MED13L: variants seen among roughly 807,000 people sequenced by gnomAD.
MED13L encodes mediator complex subunit 13L, also known as mediator of RNA polymerase II transcription subunit 13-like.
Under a neutral mutation model 220.9 loss-of-function variants are expected in MED13L, and 7 were observed. That is an observed-to-expected ratio of 0.03 (90% confidence interval 0.02 to 0.06). The LOEUF is 0.06. MED13L is among the 10% of genes least tolerant of loss of function. The probability of loss-of-function intolerance (pLI) is 1.00; values close to 1 mark genes in which losing one functional copy is unlikely to be tolerated. For missense variants in MED13L, 1,965 were observed against 2,760.5 expected (o/e 0.71, Z 6.46); for synonymous variants, 1,011 against 1,015.2 (o/e 1.00, Z 0.08).
chr12:116,165,904 T>G (rs1019901116), intron 2 of MED13L, among the ~76,000 whole-genome samples: 23 of 152,204 alleles, frequency 1.5e-4, no homozygotes, highest in African/African-American at 4.8e-4. Context: ...CTCTCAGGTA[T>G]TCTCTCCACT....
chr12:116,135,899 T>G (rs1157143024), intron 2 of MED13L, among the ~76,000 whole-genome samples: 2 of 151,470 alleles, frequency 1.3e-5, no homozygotes, highest in African/African-American at 2.4e-5. Flanking sequence ...TTTTCAAAGA[T>G]TCCCTTTTTT....
chr12:115,988,765 CA>C (rs1423966767), intron 17 of MED13L, among the ~76,000 whole-genome samples: 1 of 152,162 alleles, frequency 6.6e-6, no homozygotes, highest in African/African-American at 2.4e-5. Context: ...ACCTCCCCTG[CA>C]ATAAAATGTC....
chr12:116,120,473 TCTCTCACA>T (rs1396934780), intron 2 of MED13L, among the ~76,000 whole-genome samples: 251 of 101,362 alleles, frequency 2.5e-3, no homozygotes, highest in Admixed American at 4.8e-3. Context: ...TCTCTCTCTC[TCTCTCACA>T]CACACACACA....
At chr12:116,107,342 T>C (rs1873674209) in intron 3 of MED13L, among the ~76,000 whole-genome samples, 1 of 152,176 alleles carries the variant, frequency 6.6e-6, no homozygotes, top group Non-Finnish European at 1.5e-5. Flanking sequence ...TTTCAACAAA[T>C]ACTGAAAAGT....
At chr12:116,253,753 G>GTTTTTTTTTTT (rs746923184) in intron 1 of MED13L, among the ~76,000 whole-genome samples, 23 of 76,550 alleles carry the variant, frequency 3.0e-4, no homozygotes, top group African/African-American at 4.8e-4. Context: ...GGTTTTTTTT[G>GTTTTTTTTTTT]TTTTTTTTTT....
chr12:116,141,861 AGGTT>A (rs1399108042), intron 2 of MED13L, among the ~76,000 whole-genome samples: 1 of 152,134 alleles, frequency 6.6e-6, no homozygotes, highest in African/African-American at 2.4e-5. Context: ...ACTCTGAGAA[AGGTT>A]CCACTCTGGT....
chr12:116,128,719 G>A (rs142452947), intron 2 of MED13L, among the ~76,000 whole-genome samples: 138 of 152,246 alleles, frequency 9.1e-4, no homozygotes, highest in African/African-American at 3.2e-3. Context: ...TATCAGTCGT[G>A]TTCATTATAT....
chr12:116,005,467 T>G (rs550690142), intron 13 of MED13L, among the ~76,000 whole-genome samples: 1 of 152,306 alleles, frequency 6.6e-6, no homozygotes, highest in Admixed American at 6.5e-5. Context: ...TCTGACTTAT[T>G]AGATGAATAA....
At chr12:115,979,845 T>A (rs1877202228) in intron 23 of MED13L, among the ~76,000 whole-genome samples, 1 of 152,246 alleles carries the variant, frequency 6.6e-6, no homozygotes, top group East Asian at 1.9e-4. Context: ...ATAAGGTGAT[T>A]AGAAAAACAA....
chr12:116,276,773 G>T, intron 1 of MED13L: 3 of 1,294,128 alleles, frequency 2.3e-6, no homozygotes, highest in Non-Finnish European at 3.0e-6. Context: ...GAGGGTGGGC[G>T]TTCGAAGTGC....
At chr12:116,250,106 T>TA (rs1196381173) in intron 1 of MED13L, among the ~76,000 whole-genome samples, 1 of 144,062 alleles carries the variant, frequency 6.9e-6, no homozygotes, top group Non-Finnish European at 1.5e-5. Flanking sequence ...AAGGAAAATA[T>TA]TACAAGTCGG....
intron 17 of MED13L, among the ~76,000 whole-genome samples, chr12:115,989,077 T>A (rs1877889252): frequency 6.6e-6 from 1 of 152,192 alleles, no homozygotes; most frequent in Non-Finnish European, 1.5e-5. Flanking sequence ...AAAATACCCA[T>A]CACTCCCCAT....
At chr12:116,206,841 A>T (rs888805374) in intron 2 of MED13L, among the ~76,000 whole-genome samples, 11 of 152,192 alleles carry the variant, frequency 7.2e-5, no homozygotes, top group African/African-American at 2.7e-4. Context: ...TGTAGATTTG[A>T]CTTTGGAACT....
At chr12:115,972,390 G>T in intron 25 of MED13L, 154 bp from the exon 26 acceptor site, 1 of 845,296 alleles carries the variant, frequency 1.2e-6, no homozygotes, top group Non-Finnish European at 1.9e-6. Context: ...TTGCTATAGA[G>T]AATGTTACTC....
At chr12:116,018,774 A>T (rs1879878051) in intron 7 of MED13L, among the ~76,000 whole-genome samples, 1 of 152,158 alleles carries the variant, frequency 6.6e-6, no homozygotes, top group Non-Finnish European at 1.5e-5. Flanking sequence ...GCTACTAAGC[A>T]CTAGTCTAAC....
intron 4 of MED13L, among the ~76,000 whole-genome samples, chr12:116,095,622 C>T (rs1872579195): frequency 6.6e-6 from 1 of 152,156 alleles, no homozygotes; most frequent in Non-Finnish European, 1.5e-5. Context: ...AATCTTAAAA[C>T]TACTATGTAA....
intron 2 of MED13L, among the ~76,000 whole-genome samples, chr12:116,120,289 A>G (rs1874930944): frequency 6.6e-6 from 1 of 152,046 alleles, no homozygotes. Flanking sequence ...TATTCTTAGC[A>G]CTGGGTAGAA....
chr12:116,155,137 C>G (rs1036575606), intron 2 of MED13L, among the ~76,000 whole-genome samples: 18 of 152,158 alleles, frequency 1.2e-4, no homozygotes, highest in Admixed American at 6.5e-5. Context: ...AAGATATTCT[C>G]TTATGGCCAG....
At chr12:116,074,262 G>A (rs1052556150) in intron 4 of MED13L, among the ~76,000 whole-genome samples, 1 of 152,152 alleles carries the variant, frequency 6.6e-6, no homozygotes, top group Non-Finnish European at 1.5e-5. Context: ...GGGGGTGGTG[G>A]TGCAAGCTTG....
Sources: gnomAD v4.1 joint callset for allele counts (sites outside exome capture counted in the v4.1 genomes callset) on GRCh38, gnomAD v4.1.1 for gene constraint, MANE v1.5 for transcripts, NCBI Gene and HGNC (gene_info 2026-07-23, HGNC 2026-07-21) for gene names.